UGT1A9: variants seen among roughly 807,000 people sequenced by gnomAD.
UGT1A9 encodes the protein UDP glucuronosyltransferase family 1 member A9.
Under a neutral mutation model 45.0 loss-of-function variants are expected in UGT1A9, and 35 were observed. That is an observed-to-expected ratio of 0.78 (90% CI 0.59 to 1.03). The LOEUF (loss-of-function observed/expected upper bound fraction) is 1.03. Among genes scored for constraint, UGT1A9 ranks in the 50% least tolerant of loss-of-function variants. The pLI, the probability that UGT1A9 is intolerant of heterozygous loss-of-function variation, is 0.00. For synonymous variants in UGT1A9, 278 were observed against 250.6 expected (o/e 1.11, Z -1.03); for missense variants, 687 against 666.6 (o/e 1.03, Z -0.34).
chr2:233,749,380 T>C (rs1225630422), intron 1 of UGT1A9, among the ~76,000 whole-genome samples: 2 of 151,870 alleles, frequency 1.3e-5, no homozygotes, highest in African/African-American at 4.9e-5. Context: ...TTCTTCCAGT[T>C]TTTCAATGTG....
At chr2:233,706,092 C>A (rs1187555358) in intron 1 of UGT1A9, among the ~76,000 whole-genome samples, 1 of 148,852 alleles carries the variant, frequency 6.7e-6, no homozygotes, top group Non-Finnish European at 1.5e-5. Context: ...TAGATTCTGT[C>A]TTAAAAAAAA....
chr2:233,729,036 T>C, intron 1 of UGT1A9: 1 of 1,603,088 alleles, frequency 6.2e-7, no homozygotes, highest in African/African-American at 1.3e-5. Flanking sequence ...ATTTGCTAAG[T>C]GGCTCAGTGA....
At chr2:233,679,382 C>T (rs142374480) in intron 1 of UGT1A9, among the ~76,000 whole-genome samples, 5 of 152,262 alleles carry the variant, frequency 3.3e-5, no homozygotes, top group Non-Finnish European at 7.4e-5. Flanking sequence ...GAGTGTTGAT[C>T]TTTTCCTTTC....
intron 1 of UGT1A9, chr2:233,713,048 C>T (rs2076273385): frequency 6.2e-7 from 1 of 1,614,080 alleles, no homozygotes; most frequent in Admixed American, 1.7e-5. Flanking sequence ...TGCTGCTTCT[C>T]CTCAGTGTCC....
intron 1 of UGT1A9, chr2:233,713,159 C>T (rs2076285726): frequency 1.9e-6 from 3 of 1,614,192 alleles, no homozygotes; most frequent in Middle Eastern, 1.7e-4. Flanking sequence ...CGAGAGGCCA[C>T]CAGGTGGTGG....
At chr2:233,719,835 G>C (rs2076806850) in intron 1 of UGT1A9, 18 of 1,540,274 alleles carry the variant, frequency 1.2e-5, no homozygotes, top group Non-Finnish European at 1.6e-5. Context: ...GAGGGGCCTA[G>C]TGTATTTCAA....
At chr2:233,723,922 G>A (rs1482507868) in intron 1 of UGT1A9, among the ~76,000 whole-genome samples, 1 of 49,060 alleles carries the variant, frequency 2.0e-5, no homozygotes, top group Non-Finnish European at 3.5e-5. Flanking sequence ...AGTCTCCCAT[G>A]TCTACTTCTT....
rs138183896 is a variant in UGT1A9 at position 233,760,581 on chromosome 2, T to C, written c.856-6453T>C. The C allele has an allele frequency of 2.4e-4, 385 of 1,614,108 alleles. No individual in the cohort carries two copies. Among genetic ancestry groups the C allele is most frequent in the Non-Finnish European group, 3.1e-4 (370 of 1,180,052 alleles). ...AGTCTTTTGTTAGTCTCGGGCATAATGTTTTTGAGAATGATTCTTTCCTGC... is the reference window on the plus strand; with the variant it reads ...AGTCTTTTGTTAGTCTCGGGCATAACGTTTTTGAGAATGATTCTTTCCTGC... On this transcript the variant is annotated intron_variant, in intron 1 of 4. Transcript: ENST00000354728.
intron 1 of UGT1A9, among the ~76,000 whole-genome samples, chr2:233,703,067 G>A (rs28899181): frequency 1.3e-5 from 2 of 152,224 alleles, no homozygotes; most frequent in African/African-American, 4.8e-5. Flanking sequence ...TAGTGAAGCT[G>A]TCTGGGCCTA....
At chr2:233,719,653 G>A (rs759057764) in intron 1 of UGT1A9, 6 of 1,614,078 alleles carry the variant, frequency 3.7e-6, no homozygotes, top group South Asian at 3.3e-5. Flanking sequence ...TTCATTGGGG[G>A]CATCAACTGT....
intron 1 of UGT1A9, among the ~76,000 whole-genome samples, chr2:233,715,487 T>A (rs958657491): frequency 6.6e-6 from 1 of 152,178 alleles, no homozygotes; most frequent in African/African-American, 2.4e-5. Context: ...TGAAAATGAT[T>A]TGTGTGCAAG....
intron 1 of UGT1A9, chr2:233,691,488 G>C: frequency 1.0e-6 from 1 of 985,788 alleles, no homozygotes; most frequent in Non-Finnish European, 1.2e-6. Flanking sequence ...ACTTGTGGGT[G>C]GGAACAGGAA....
intron 1 of UGT1A9, chr2:233,729,250 C>T (rs749759024): frequency 1.9e-6 from 3 of 1,614,224 alleles, no homozygotes; most frequent in South Asian, 1.1e-5. Flanking sequence ...CAGCCACTGG[C>T]TCAGCATGCG....
chr2:233,719,028 A>G (rs1032757626), intron 1 of UGT1A9: 1 of 1,614,250 alleles, frequency 6.2e-7, no homozygotes, highest in African/African-American at 1.3e-5. Context: ...TATGCACATC[A>G]AAGAAGAGAA....
chr2:233,743,699 GC>G, intron 1 of UGT1A9: 2 of 1,367,268 alleles, frequency 1.5e-6, no homozygotes, highest in Non-Finnish European at 2.0e-6. Context: ...GCCGCCCTCC[GC>G]CCCCGCCTCG....
In UGT1A9 at chr2:233,683,609, G is replaced by A. The variant is rs45589132; in HGVS notation, c.855+10820G>A. ...AATATGAATCCCTCATTATTTATTC[G>A]GATTCTGTTTTATTTCCATAAATAA... On this transcript the variant is annotated intron_variant, in intron 1 of 4. Coordinates refer to ENST00000354728, the MANE Select transcript of UGT1A9 (RefSeq NM_021027.3). 8.3e-4 allele frequency among the ~76,000 whole-genome samples: 126 copies of A among 151,888 alleles called. 1 individual carries two copies. The highest frequency in any genetic ancestry group is 2.5e-3 in the African/African-American group (104 of 41,430).
chr2:233,760,155 C>T (rs2125979369), intron 1 of UGT1A9: 1 of 1,487,916 alleles, frequency 6.7e-7, no homozygotes, highest in Admixed American at 2.1e-5. Flanking sequence ...GAACTCCCTG[C>T]TACCTTTGTG....
intron 1 of UGT1A9, among the ~76,000 whole-genome samples, chr2:233,723,239 T>C (rs1575545383): frequency 9.2e-6 from 1 of 108,622 alleles, no homozygotes; most frequent in African/African-American, 4.6e-5. Flanking sequence ...TGAGTTGGAG[T>C]CCTGCTGTCA....
intron 1 of UGT1A9, among the ~76,000 whole-genome samples, chr2:233,678,337 T>A (rs12477979): frequency 0.61 from 92,461 of 151,094 alleles, 28,505 homozygotes; most frequent in South Asian, 0.65. Context: ...GAGGAAGTCA[T>A]TCATCATAAA....
Sources: allele counts gnomAD v4.1 joint callset (sites outside exome capture counted in the v4.1 genomes callset), GRCh38; gene constraint gnomAD v4.1.1; transcripts MANE v1.5; gene names NCBI Gene and HGNC (gene_info 2026-07-23, HGNC 2026-07-21).